The following LRP4 variants were observed in gnomAD, a reference collection of about 807,000 sequenced individuals.
LRP4 encodes the protein low-density lipoprotein receptor-related protein 4.
LRP4 carries 95 observed loss-of-function variants against 220.3 expected under a neutral mutation model. The observed-to-expected ratio is 0.43, with a 90% CI of 0.37 to 0.51. The LOEUF is 0.51. LRP4 is among the 20% of genes least tolerant of loss of function. The pLI is 0.00. For missense variants in LRP4, 1,925 were observed against 2,567.0 expected, an observed-to-expected ratio of 0.75 and a Z score of 5.40; for synonymous variants, 903 against 954.6, an observed-to-expected ratio of 0.95 and a Z score of 1.00.
Position 46,862,753 on chromosome 11 carries a change from G to C in LRP4, c.5244-6C>G. 1 of 1,613,714 alleles carries C rather than the reference G, an allele frequency of 6.2e-7. No homozygotes were observed. The highest frequency in any genetic ancestry group is 2.2e-5 in the East Asian group (1 of 44,870). ...TGAACTTGGATTTTTTGTGTCTTTA[G>C]GAGGGAAGGTGATGAGAAATTAGTC... On this transcript the variant is annotated splice_region_variant and splice_polypyrimidine_tract_variant and intron_variant, in intron 36 of 37. Coordinates refer to ENST00000378623, the MANE Select transcript of LRP4 (RefSeq NM_002334.4).
intron 1 of LRP4, 49 bp from the exon 2 acceptor site, chr11:46,902,978 C>G: frequency 6.2e-7 from 1 of 1,612,340 alleles, no homozygotes; most frequent in African/African-American, 1.3e-5. Flanking sequence ...CCACTCAACC[C>G]AAGCCCATTC....
At chr11:46,911,496 C>T (rs1941857413) in intron 1 of LRP4, among the ~76,000 whole-genome samples, 1 of 151,482 alleles carries the variant, frequency 6.6e-6, no homozygotes, top group Non-Finnish European at 1.5e-5. Flanking sequence ...TTTAAAGTCT[C>T]TCTCTTCTCC....
chr11:46,884,099 TG>T, intron 18 of LRP4, 123 bp from the exon 19 acceptor site: 1 of 744,116 alleles, frequency 1.3e-6, no homozygotes, highest in Non-Finnish European at 2.4e-6. Context: ...AAAGATATTT[TG>T]TGACAGATGC....
intron 34 of LRP4, 51 bp downstream of exon 34, chr11:46,867,928 G>A: frequency 6.2e-7 from 1 of 1,612,692 alleles, no homozygotes; most frequent in Non-Finnish European, 8.5e-7. Flanking sequence ...GTTGGTCATG[G>A]GATGGTGATT....
rs1941394285 is a variant in LRP4 at position 46,890,365 on chromosome 11, C to T, written c.1827G>A (p.Gly609=). 3 of 1,614,162 alleles carry T rather than the reference C, an allele frequency of 1.9e-6. No individual in the cohort carries two copies. In the East Asian group the frequency reaches 6.7e-5, roughly 36 times the overall value. ...TAGCATCCACCCAGTACATACGGCG[C>T]CCGGCATAGTCGATGGTGAGGCCAT... is the stretch of plus-strand genomic sequence containing the variant. ...WPNGLTIDYA[G]RRMYWVDAKH... The change falls in exon 14 of 38, where the codon GGG becomes GGA. Residue 609 remains glycine, a synonymous_variant. Transcript: ENST00000378623. This position sits in a 1 kb window ranked among gnomAD's most constrained non-coding sequence, Gnocchi z 5.3.
In LRP4 at chr11:46,873,578, G is replaced by A. The variant is rs185084650; in HGVS notation, c.4245C>T (p.Asn1415=). ...FLDVIRRADL[N]GSNMETVIGR... is the part of the protein sequence containing the mutation. ...CGATCACTGTCTCCATGTTGCTGCCGTTCAGGTCTGCTCGCCTTGGGGAGA... is the reference window on the plus strand; with the variant it reads ...CGATCACTGTCTCCATGTTGCTGCCATTCAGGTCTGCTCGCCTTGGGGAGA... The change falls in exon 29 of 38, where the codon AAC becomes AAT. Residue 1415 remains asparagine, a synonymous_variant. Coordinates refer to ENST00000378623, the MANE Select transcript of LRP4 (RefSeq NM_002334.4). This position sits in a 1 kb window ranked among gnomAD's most constrained non-coding sequence, Gnocchi z 4.2. 36 of 1,613,158 alleles carry A rather than the reference G, an allele frequency of 2.2e-5. No individual in the cohort carries two copies. Among genetic ancestry groups the A allele is most frequent in the Admixed American group, 1.0e-4 (6 of 60,000 alleles).
At chr11:46,904,183 C>T (rs556982510) in intron 1 of LRP4, among the ~76,000 whole-genome samples, 1 of 152,346 alleles carries the variant, frequency 6.6e-6, no homozygotes, top group African/African-American at 2.4e-5. Context: ...CCTCTTCCTT[C>T]CCTCAGCTGG....
At chr11:46,913,787 C>T (rs1459501455) in intron 1 of LRP4, among the ~76,000 whole-genome samples, 1 of 152,150 alleles carries the variant, frequency 6.6e-6, no homozygotes, top group Non-Finnish European at 1.5e-5. Flanking sequence ...AGACCTCTCT[C>T]AAGAGAACTA....
rs564922097 is a variant in LRP4, at chr11:46,874,910, G to C, written c.4119C>G (p.Asp1373Glu). Residue 1373 changes from aspartate (D) to glutamate (E), a missense_variant, in exon 28 of 38, where the codon GAC becomes GAG. Physicochemically the swap from Asp to Glu is conservative, Grantham distance 45 (BLOSUM62 2). Around this residue, in one of 3 missense-constraint regions of LRP4, gnomAD observed 1,244 missense variants for 1,624.9 expected, o/e 0.77. Coordinates refer to ENST00000378623, the MANE Select transcript of LRP4 (RefSeq NM_002334.4). ...SIRRISLDTS[D>E]HTDVHVPVPE... ...GAACAGGGACATGCACATCGGTGTGGTCACTGGTGTCCAGTGAGATACGCC... is the reference window on the plus strand; with the variant it reads ...GAACAGGGACATGCACATCGGTGTGCTCACTGGTGTCCAGTGAGATACGCC... 1 of 1,613,784 alleles carries C rather than the reference G, an allele frequency of 6.2e-7. No homozygotes were observed. The highest frequency in any genetic ancestry group is 8.5e-7 in the Non-Finnish European group (1 of 1,179,776).
intron 2 of LRP4, among the ~76,000 whole-genome samples, chr11:46,901,026 C>A (rs1941655920): frequency 6.6e-6 from 1 of 152,140 alleles, no homozygotes; most frequent in African/African-American, 2.4e-5. Context: ...GAACTCCTGG[C>A]CTCAAGAGAT....
chr11:46,864,192 G>A (rs1217743421), intron 36 of LRP4, among the ~76,000 whole-genome samples: 1 of 152,184 alleles, frequency 6.6e-6, no homozygotes, highest in African/African-American at 2.4e-5. Context: ...TATCCTCTGT[G>A]CACTCAGCAT....
At chr11:46,867,399 C>T (rs776641278) in intron 34 of LRP4, among the ~76,000 whole-genome samples, 8 of 152,188 alleles carry the variant, frequency 5.3e-5, no homozygotes, top group Non-Finnish European at 7.3e-5. Context: ...AGGAATACCA[C>T]GTGGGAGGGT....
intron 16 of LRP4, 90 bp from the exon 17 acceptor site, chr11:46,886,623 C>T (rs1467722204): frequency 1.6e-5 from 17 of 1,086,730 alleles, no homozygotes; most frequent in Non-Finnish European, 2.4e-5. Flanking sequence ...ACATCTGGTT[C>T]AATCACACTT....
In LRP4 at chr11:46,888,556, A is replaced by AAAAAAAAAAAAAC. The variant is rs1941349376; in HGVS notation, c.2215+854_2215+855insGTTTTTTTTTTTT. ...CAAGAGCAAAACTGTCTCAAAAAAA[A>AAAAAAAAAAAAAC]AAAAAAAAAAAAAAAAAGAATGCAA... is the stretch of plus-strand genomic sequence containing the variant. On this transcript the variant is annotated intron_variant, in intron 16 of 37. Coordinates refer to ENST00000378623, the MANE Select transcript of LRP4 (RefSeq NM_002334.4). Among the ~76,000 whole-genome samples, 2 of 140,894 alleles carry AAAAAAAAAAAAAC rather than the reference A, an allele frequency of 1.4e-5. 1 individual carries two copies. The highest frequency in any genetic ancestry group is 3.9e-4 in the East Asian group (2 of 5,126). The allele number at this position is 140,894 out of a possible 152,430, so 92.4% of individuals were successfully genotyped here.
chr11:46,906,039 G>A (rs1391136142), intron 1 of LRP4, among the ~76,000 whole-genome samples: 2 of 152,112 alleles, frequency 1.3e-5, no homozygotes, highest in African/African-American at 4.8e-5. Flanking sequence ...GGAATAGGAG[G>A]AGGAGGTTAG....
intron 28 of LRP4, chr11:46,874,133 A>G (rs57030907): frequency 0.018 from 3,040 of 167,598 alleles, 102 homozygotes; most frequent in African/African-American, 0.069. Context: ...CAAAGGCCCT[A>G]TGGGCAGGAG....
intron 30 of LRP4, 69 bp from the exon 31 acceptor site, chr11:46,871,702 A>G: frequency 1.9e-6 from 2 of 1,042,718 alleles, no homozygotes; most frequent in South Asian, 2.7e-5. Flanking sequence ...CCCCCTATGA[A>G]CCTGTTTGTC....
Position 46,894,698 on chromosome 11 carries a change from G to A in LRP4, c.1431C>T (p.His477=). 6.2e-7 allele frequency: 1 copy of A among 1,614,242 alleles called. No homozygotes were observed. ...CTGACCAGAAGACAAGCTCGCGGCG[G>A]TGGTGGAAATCAAGGGCAATGGCAT... is the stretch of plus-strand genomic sequence containing the variant. ...LENAIALDFH[H]RRELVFWSDV... The change falls in exon 12 of 38, where the codon CAC becomes CAT. Residue 477 remains histidine, a synonymous_variant. Transcript: ENST00000378623.
chr11:46,898,515 TCTC>T, intron 7 of LRP4, 40 bp downstream of exon 7: 1 of 1,613,146 alleles, frequency 6.2e-7, no homozygotes, highest in Non-Finnish European at 8.5e-7. Flanking sequence ...CCACAAGCCT[TCTC>T]CTTAGTTCAA....
Sources: allele counts gnomAD v4.1 joint callset (sites outside exome capture counted in the v4.1 genomes callset), GRCh38; gene constraint gnomAD v4.1.1; regional missense constraint gnomAD v4.1.1; non-coding constraint Gnocchi (gnomAD v3.1); transcripts MANE v1.5; gene names NCBI Gene and HGNC (gene_info 2026-07-23, HGNC 2026-07-21).